MAGI2: variants seen among roughly 807,000 people sequenced by gnomAD.
MAGI2 encodes membrane-associated guanylate kinase, WW and PDZ domain-containing protein 2.
A neutral mutation model predicts 133.3 loss-of-function variants in MAGI2; 35 were observed. That is an observed-to-expected ratio of 0.26 (90% CI 0.20 to 0.35). The LOEUF is 0.35. Ranked by LOEUF, MAGI2 falls within the 10% of genes least tolerant of loss-of-function variation. The probability of loss-of-function intolerance (pLI) is 1.00; values close to 1 mark genes in which losing one functional copy is unlikely to be tolerated. For synonymous variants in MAGI2, 729 were observed against 710.6 expected, an observed-to-expected ratio of 1.03 and a Z score of -0.41; for missense variants, 1,636 against 1,863.4, an observed-to-expected ratio of 0.88 and a Z score of 2.25.
At chr7:79,261,237 A>G (rs1834064006) in intron 1 of MAGI2, among the ~76,000 whole-genome samples, 1 of 152,200 alleles carries the variant, frequency 6.6e-6, no homozygotes, top group Admixed American at 6.5e-5. Flanking sequence ...CACTTCTTAC[A>G]TTCACTTCTT....
At chr7:78,368,262 T>C (rs1793582842) in intron 7 of MAGI2, among the ~76,000 whole-genome samples, 1 of 152,190 alleles carries the variant, frequency 6.6e-6, no homozygotes, top group Admixed American at 6.5e-5. Context: ...ACAAAAACAA[T>C]TTAGCACTAA....
At chr7:79,225,816 T>C (rs760585212) in intron 1 of MAGI2, among the ~76,000 whole-genome samples, 21 of 152,214 alleles carry the variant, frequency 1.4e-4, no homozygotes, top group Non-Finnish European at 2.8e-4. Context: ...GAGCCTGTTT[T>C]GTAATATTCT....
chr7:78,616,842 T>G (rs1807156274), intron 3 of MAGI2: 1 of 152,142 alleles, frequency 6.6e-6, no homozygotes, highest in African/African-American at 2.4e-5. Context: ...AACTTAGGTA[T>G]TCATCCATTC....
At chr7:78,099,050 T>G (rs756949824) in intron 20 of MAGI2, among the ~76,000 whole-genome samples, 45 of 152,142 alleles carry the variant, frequency 3.0e-4, no homozygotes, top group Non-Finnish European at 5.9e-4. Context: ...TTTGGTTACA[T>G]AAAGTGAATA....
chr7:79,351,291 G>GAA, intron 1 of MAGI2, among the ~76,000 whole-genome samples: 1 of 152,060 alleles, frequency 6.6e-6, no homozygotes, highest in Admixed American at 6.6e-5. Flanking sequence ...ATTCTGTTTT[G>GAA]TCTTGGTATG....
At chr7:78,171,659 C>T (rs953644034) in intron 14 of MAGI2, among the ~76,000 whole-genome samples, 1 of 152,242 alleles carries the variant, frequency 6.6e-6, no homozygotes, top group African/African-American at 2.4e-5. Context: ...TCTGCTAAGA[C>T]ACCTATTCCC....
intron 1 of MAGI2, among the ~76,000 whole-genome samples, chr7:79,027,230 A>G (rs1809986552): frequency 6.6e-6 from 1 of 152,024 alleles, no homozygotes; most frequent in Non-Finnish European, 1.5e-5. Context: ...TCAAAGAGCC[A>G]TCTATACTCC....
In MAGI2 at chr7:78,178,243, A is replaced by G. The variant is rs529290549; in HGVS notation, c.2312-141T>C. ...AGGGTCAATGGAAACCATAGAGGAT[A>G]CAAAAAATATGGCAGCAAAAAAGTA... On this transcript the variant is annotated intron_variant, in intron 13 of 21. Coordinates refer to ENST00000354212, the MANE Select transcript of MAGI2 (RefSeq NM_012301.4). The G allele has an allele frequency of 1.6e-3, 889 of 549,662 alleles. 5 individuals are homozygous for G. Among genetic ancestry groups the G allele is most frequent in the Non-Finnish European group, 2.4e-3 (746 of 308,676 alleles). The allele number at this position is 549,662 out of a possible 1,614,324, so 34.0% of individuals were successfully genotyped here. A position where few individuals can be genotyped will look rare whatever the true frequency, so the allele number is the denominator to read the frequency against.
intron 1 of MAGI2, among the ~76,000 whole-genome samples, chr7:79,298,510 A>G (rs1364623776): frequency 6.6e-6 from 1 of 152,182 alleles, no homozygotes; most frequent in Non-Finnish European, 1.5e-5. Flanking sequence ...TAAGAAAAAC[A>G]TTTTTAAATA....
intron 1 of MAGI2, among the ~76,000 whole-genome samples, chr7:79,195,650 A>G (rs747497606): frequency 1.3e-4 from 19 of 151,850 alleles, no homozygotes; most frequent in Non-Finnish European, 2.4e-4. Context: ...GGAGAGTCAC[A>G]CGCTAATCCT....
intron 13 of MAGI2, among the ~76,000 whole-genome samples, chr7:78,179,843 C>A (rs76652012): frequency 1.3e-5 from 2 of 152,044 alleles, no homozygotes; most frequent in African/African-American, 4.8e-5. Flanking sequence ...GAGACACAAC[C>A]GGCTTTTGAA....
chr7:79,235,920 C>T (rs966742301), intron 1 of MAGI2, among the ~76,000 whole-genome samples: 2 of 152,186 alleles, frequency 1.3e-5, no homozygotes, highest in Non-Finnish European at 2.9e-5. Flanking sequence ...ACAGTTGGTG[C>T]TCAATAAACA....
intron 9 of MAGI2, among the ~76,000 whole-genome samples, chr7:78,323,685 A>G (rs556878343): frequency 1.1e-3 from 174 of 152,300 alleles, no homozygotes; most frequent in African/African-American, 4.0e-3. Flanking sequence ...TCATTTTAAC[A>G]TCAACAATCA....
At position 78,555,897 on chromosome 7, in the gene MAGI2, G is replaced by A. The variant is rs184536483; in HGVS notation, c.539-34252C>T. Among the ~76,000 whole-genome samples the A allele has an allele frequency of 3.1e-3, 472 of 152,178 alleles. 1 individual carries two copies. The highest frequency in any genetic ancestry group is 0.017 in the Middle Eastern group (5 of 294). ...TCCACTCTTACCACTAACCACTACT[G>A]GGTGGACTGAAGTCTCAAATACTAA... On this transcript the variant is annotated intron_variant, in intron 3 of 21. Transcript: ENST00000354212.
At chr7:78,588,446 T>C (rs1803647083) in intron 3 of MAGI2, among the ~76,000 whole-genome samples, 1 of 152,116 alleles carries the variant, frequency 6.6e-6, no homozygotes, top group Admixed American at 6.5e-5. Context: ...TAGATGGCTG[T>C]TCAGTAGGAG....
chr7:78,538,809 C>G lies in MAGI2; in HGVS notation c.539-17164G>C, dbSNP rs142369293. On this transcript the variant is annotated intron_variant, in intron 3 of 21. Coordinates refer to ENST00000354212, the MANE Select transcript of MAGI2 (RefSeq NM_012301.4). ...GCAAACAGCAACAGTTTGACTTGCT[C>G]TTTGCTGATTTGGATGTCCTTTATT... Among the ~76,000 whole-genome samples, 181 of 152,246 alleles carry G rather than the reference C, an allele frequency of 1.2e-3. 6 individuals are homozygous for G. In the East Asian group the frequency reaches 0.032, roughly 27 times the overall value.
chr7:78,923,736 A>C (rs568814010), intron 2 of MAGI2, among the ~76,000 whole-genome samples: 27 of 152,168 alleles, frequency 1.8e-4, no homozygotes, highest in South Asian at 2.1e-4. Flanking sequence ...TGAAGAAAGT[A>C]ATTGGTAGCT....
intron 9 of MAGI2, among the ~76,000 whole-genome samples, chr7:78,262,724 A>G (rs1191867916): frequency 6.6e-6 from 1 of 152,216 alleles, no homozygotes; most frequent in African/African-American, 2.4e-5. Flanking sequence ...TTATAAAAAG[A>G]GAGGATTGAA....
chr7:78,163,913 A>AG (rs1180075763), intron 15 of MAGI2, among the ~76,000 whole-genome samples: 2 of 151,642 alleles, frequency 1.3e-5, no homozygotes, highest in African/African-American at 4.8e-5. Flanking sequence ...TCTCAAAAAA[A>AG]AAAAAAAAAA....
Sources: allele counts gnomAD v4.1 joint callset (sites outside exome capture counted in the v4.1 genomes callset), GRCh38; gene constraint gnomAD v4.1.1; transcripts MANE v1.5; gene names NCBI Gene and HGNC (gene_info 2026-07-23, HGNC 2026-07-21).